NBPF19: variants seen among roughly 807,000 people sequenced by gnomAD.
NBPF19 encodes NBPF member 19, also known as NBPF family member NBPF19.
In NBPF19, 30 loss-of-function variants were observed where a neutral mutation model predicts 45.9. The observed-to-expected ratio is 0.65, with a 90% CI of 0.49 to 0.89. The LOEUF is 0.89. Ranked by LOEUF, NBPF19 falls within the 40% of genes least tolerant of loss-of-function variation. NBPF19 has a pLI of 0.00. For synonymous variants in NBPF19, 183 were observed against 181.2 expected, an observed-to-expected ratio of 1.01 and a Z score of -0.08; for missense variants, 495 against 471.8, an observed-to-expected ratio of 1.05 and a Z score of -0.46.
chr1:149,478,361 A>G lies in NBPF19; in HGVS notation c.278+314A>G, dbSNP rs1445252257. 3.0e-4 allele frequency among the ~76,000 whole-genome samples: 45 copies of G among 151,292 alleles called. 1 individual carries two copies. The South Asian group carries it at 4.8e-3, about 16-fold the overall frequency. On this transcript the variant is annotated intron_variant, in intron 3 of 93. Transcript: ENST00000651566. ...AGTATAATCAAAATGGTGTGCTATC[A>G]CCACCCCACTTACCCTTAGTGAGAA... is the stretch of plus-strand genomic sequence containing the variant.
rs1182679886 is a variant in NBPF19 at position 149,487,502 on chromosome 1, G to A, written c.1040+119G>A. On this transcript the variant is annotated intron_variant, in intron 9 of 93. Transcript: ENST00000651566. ...GTCTTGTCAGACAAGTCTGAATTAT[G>A]CCTAATACATTGCTTTTTTGTTCTC... is the stretch of plus-strand genomic sequence containing the variant. 5.8e-5 allele frequency: 58 copies of A among 994,592 alleles called. 1 individual carries two copies. Among genetic ancestry groups the A allele is most frequent in the South Asian group, 5.2e-4 (41 of 78,940 alleles). 61.6% of individuals were successfully genotyped at this position (994,592 alleles called of 1,614,324 possible).
In NBPF19 at chr1:149,554,438, G is replaced by A. The variant is rs1210095538; in HGVS notation, c.11289-57G>A. On this transcript the variant is annotated intron_variant, in intron 93 of 93. Transcript: ENST00000651566. The stretch of plus-strand genomic sequence containing the variant: ...TTATGTGACTTCTGAAATCTAGTGG[G>A]GCTCTGTGGTGTCTGATTTTCCCTG... 9.2e-5 allele frequency: 148 copies of A among 1,607,640 alleles called. 4 individuals are homozygous for A. The South Asian group carries it at 1.5e-3, about 16-fold the overall frequency.
In NBPF19 at chr1:149,555,076, G is replaced by C. The variant is rs1302446369; in HGVS notation, c.*338G>C. The C allele has an allele frequency of 1.2e-4, 43 of 373,206 alleles. No homozygotes were observed. Among genetic ancestry groups the C allele is most frequent in the Non-Finnish European group, 2.0e-4 (41 of 200,164 alleles). 23.1% of individuals were successfully genotyped at this position (373,206 alleles called of 1,614,324 possible). On this transcript the variant is annotated 3_prime_UTR_variant, in exon 94 of 94. Transcript: ENST00000651566. ...TCTCTGAGCTTCTATACCTGCTCAA[G>C]GTCAGTGTCATCTTTGTGTTTAGCT...
rs1394682498 is a variant in NBPF19, at chr1:149,478,201, C to A, written c.278+154C>A. 1.3e-4 allele frequency among the ~76,000 whole-genome samples: 19 copies of A among 151,124 alleles called. 1 individual carries two copies. Among genetic ancestry groups the A allele is most frequent in the African/African-American group, 4.6e-4 (19 of 41,202 alleles). On this transcript the variant is annotated intron_variant, in intron 3 of 93. Coordinates refer to ENST00000651566, the MANE Select transcript of NBPF19 (RefSeq NM_001351365.2). ...TGACACACAAATATTTATCAGTGAA[C>A]AAGGATAATAATAAGTTCTGTGTTG... is the stretch of plus-strand genomic sequence containing the variant.
At chr1:149,490,724 T>C (rs2085808528) in intron 13 of NBPF19, among the ~76,000 whole-genome samples, 2 of 53,246 alleles carry the variant, frequency 3.8e-5, no homozygotes, top group South Asian at 2.0e-3. Context: ...AAAACTGTAT[T>C]CTCATGGCGA....
chr1:149,494,016 C>A (rs2085974209), intron 17 of NBPF19, among the ~76,000 whole-genome samples: 3 of 97,428 alleles, frequency 3.1e-5, no homozygotes, highest in African/African-American at 1.7e-4. Context: ...GCTGTGTGTC[C>A]CGAGGGCACT....
In NBPF19 at chr1:149,554,923, A is replaced by G; in HGVS notation, c.*185A>G. On this transcript the variant is annotated 3_prime_UTR_variant, in exon 94 of 94. Coordinates refer to ENST00000651566, the MANE Select transcript of NBPF19 (RefSeq NM_001351365.2). ...TGCTCAGTCTGAAGACAATGGACCC[A>G]CGTTAGGTGTGACACGTTCACATAA... 9.4e-7 allele frequency: 1 copy of G among 1,062,390 alleles called. No homozygotes were observed. The highest frequency in any genetic ancestry group is 1.5e-5 in the South Asian group (1 of 64,878). 65.8% of individuals were successfully genotyped at this position (1,062,390 alleles called of 1,614,324 possible). A position where few individuals can be genotyped will look rare whatever the true frequency, so the allele number is the denominator to read the frequency against.
chr1:149,554,702 T>A lies in NBPF19; in HGVS notation c.11496T>A (p.His3832Gln). 11 of 1,608,312 alleles carry A rather than the reference T, an allele frequency of 6.8e-6. 1 individual carries two copies. The highest frequency in any genetic ancestry group is 9.3e-6 in the Non-Finnish European group (11 of 1,176,692). Residue 3832 changes from histidine to glutamine, a missense_variant, in exon 94 of 94, where the codon CAT (histidine) becomes CAA (glutamine). Coordinates refer to ENST00000651566, the MANE Select transcript of NBPF19 (RefSeq NM_001351365.2). ...TTACTTTGACGGTGACAAGTCTCCA[T>A]CTGGTGTTCCAGATGTTAGTCATAT... Reference protein sequence around the residue: ...RFFTLTVTSLHLVFQMLVIFP... With the variant: ...RFFTLTVTSLQLVFQMLVIFP...
chr1:149,478,829 G>C, intron 3 of NBPF19, 51 bp from the exon 4 acceptor site: 6 of 1,422,086 alleles, frequency 4.2e-6, no homozygotes, highest in Non-Finnish European at 6.0e-6. Flanking sequence ...ATATTTGAAC[G>C]GATCACTCAA....
intron 9 of NBPF19, among the ~76,000 whole-genome samples, chr1:149,487,806 TG>T (rs2085685296): frequency 3.0e-5 from 4 of 135,418 alleles, no homozygotes; most frequent in East Asian, 4.2e-4. Flanking sequence ...TGTGTGTGTG[TG>T]TGTGTGTGTG....
chr1:149,486,006 G>A, intron 7 of NBPF19, 124 bp from the exon 8 acceptor site: 2 of 176,930 alleles, frequency 1.1e-5, no homozygotes, highest in Non-Finnish European at 2.0e-5. Flanking sequence ...TTCTCTTGAA[G>A]GAAAAATGCC....
chr1:149,487,766 G>C (rs1241724602), intron 9 of NBPF19, among the ~76,000 whole-genome samples: 1 of 144,056 alleles, frequency 6.9e-6, no homozygotes, highest in African/African-American at 2.6e-5. Flanking sequence ...CCAATTGACT[G>C]AGCTCGCTCT....
intron 2 of NBPF19, 37 bp from the exon 3 acceptor site, chr1:149,477,908 G>C (rs1257217449): frequency 9.4e-7 from 1 of 1,069,280 alleles, no homozygotes; most frequent in East Asian, 2.4e-5. Context: ...AGCATGTCCA[G>C]CCTTCCACTG....
At chr1:149,554,390 C>G (rs1327364872) in intron 93 of NBPF19, 105 bp from the exon 94 acceptor site, 1 of 1,600,450 alleles carries the variant, frequency 6.2e-7, no homozygotes, top group Non-Finnish European at 8.5e-7. Context: ...TGGATCTATC[C>G]TTTTTCTTTT....
intron 3 of NBPF19, among the ~76,000 whole-genome samples, chr1:149,478,276 G>A (rs1375052400): frequency 6.6e-6 from 1 of 151,108 alleles, no homozygotes; most frequent in Non-Finnish European, 1.5e-5. Context: ...AGTAATTGTT[G>A]AGGTGAAATT....
Position 149,487,397 on chromosome 1 carries a change from A to C in NBPF19, c.1040+14A>C. The C allele has an allele frequency of 7.0e-7, 1 of 1,424,320 alleles. No homozygotes were observed. The allele number at this position is 1,424,320 out of a possible 1,614,324, so 88.2% of individuals were successfully genotyped here. A position where few individuals can be genotyped will look rare whatever the true frequency, so the allele number is the denominator to read the frequency against. ...AACAGGTCCCAGGTGAGTCTGAGAA[A>C]TTGTGGACAGTTAATTTGATGTTGA... On this transcript the variant is annotated intron_variant, in intron 9 of 93. Transcript: ENST00000651566.
rs1306238255 is a variant in NBPF19 at position 149,555,036 on chromosome 1, C to A, written c.*298C>A. ...TAGCTACAAAATTCCTCAGGGATTTCATTTTGCAGGCATGTCTCTGAGCTT... is the reference window on the plus strand; with the variant it reads ...TAGCTACAAAATTCCTCAGGGATTTAATTTTGCAGGCATGTCTCTGAGCTT... On this transcript the variant is annotated 3_prime_UTR_variant, in exon 94 of 94. Coordinates refer to ENST00000651566, the MANE Select transcript of NBPF19 (RefSeq NM_001351365.2). The A allele has an allele frequency of 8.4e-6, 4 of 477,602 alleles. No individual in the cohort carries two copies. Among genetic ancestry groups the A allele is most frequent in the African/African-American group, 7.9e-5 (4 of 50,892 alleles). 29.6% of individuals were successfully genotyped at this position (477,602 alleles called of 1,614,324 possible).
At chr1:149,490,882 TTCTC>T (rs1222642149) in intron 13 of NBPF19, among the ~76,000 whole-genome samples, 11 of 122,600 alleles carry the variant, frequency 9.0e-5, no homozygotes, top group Non-Finnish European at 1.4e-4. Flanking sequence ...ACTGAGCTCG[TTCTC>T]TCTCTCTCTC....
At position 149,488,162 on chromosome 1, in the gene NBPF19, T is replaced by A; in HGVS notation, c.1190T>A (p.Val397Asp). The part of the protein sequence containing the change: ...SAFYVLEQQR[V>D]GLAIDMDEIE... ...TTTTACGTATTGGAGCAACAGCGTGTTGGCTTGGCTATTGACATGGATGGT... is the reference window on the plus strand; with the variant it reads ...TTTTACGTATTGGAGCAACAGCGTGATGGCTTGGCTATTGACATGGATGGT... The change falls in exon 10 of 94, where the codon GTT becomes GAT. Residue 397 changes from valine to aspartate, a missense_variant. Coordinates refer to ENST00000651566, the MANE Select transcript of NBPF19 (RefSeq NM_001351365.2). 3.0e-6 allele frequency: 2 copies of A among 675,350 alleles called. No individual in the cohort carries two copies. The highest frequency in any genetic ancestry group is 2.7e-6 in the Non-Finnish European group (1 of 377,326). The allele number at this position is 675,350 out of a possible 1,614,324, so 41.8% of individuals were successfully genotyped here.
Sources: allele counts gnomAD v4.1 joint callset (sites outside exome capture counted in the v4.1 genomes callset), GRCh38; gene constraint gnomAD v4.1.1; transcripts MANE v1.5; gene names NCBI Gene and HGNC (gene_info 2026-07-23, HGNC 2026-07-21).